FBXL7: variants seen among roughly 807,000 people sequenced by gnomAD.
FBXL7 encodes the protein F-box and leucine rich repeat protein 7.
FBXL7 carries 12 observed loss-of-function variants against 38.3 expected under a neutral mutation model. The observed-to-expected ratio is 0.31, with a 90% CI of 0.20 to 0.51. FBXL7 has a LOEUF of 0.51. Ranked by LOEUF, FBXL7 falls within the 20% of genes least tolerant of loss-of-function variation. FBXL7 has a pLI of 0.98. For missense variants in FBXL7, 567 were observed against 676.4 expected, an observed-to-expected ratio of 0.84 and a Z score of 1.79; for synonymous variants, 297 against 300.9, an observed-to-expected ratio of 0.99 and a Z score of 0.13.
intron 2 of FBXL7, among the ~76,000 whole-genome samples, chr5:15,755,100 A>G (rs77974898): frequency 6.6e-6 from 1 of 152,170 alleles, no homozygotes; most frequent in East Asian, 1.9e-4. Context: ...AATTATTGAA[A>G]CACTTTCCAA....
chr5:15,691,914 A>C (rs542925353), intron 2 of FBXL7, among the ~76,000 whole-genome samples: 1 of 152,198 alleles, frequency 6.6e-6, no homozygotes, highest in Non-Finnish European at 1.5e-5. Context: ...TGGTAGAAGC[A>C]CAGTTCAGAT....
At chr5:15,502,380 C>T (rs1736519982) in intron 1 of FBXL7, among the ~76,000 whole-genome samples, 1 of 152,090 alleles carries the variant, frequency 6.6e-6, no homozygotes, top group African/African-American at 2.4e-5. Flanking sequence ...ATTTTCAACC[C>T]TTGGGAGAGA....
chr5:15,886,157 A>G (rs1364634606), intron 2 of FBXL7, among the ~76,000 whole-genome samples: 1 of 152,160 alleles, frequency 6.6e-6, no homozygotes. Flanking sequence ...TAGCCTGGAT[A>G]TGGTGTGTTC....
intron 1 of FBXL7, among the ~76,000 whole-genome samples, chr5:15,606,102 ATTC>A (rs1313799418): frequency 2.6e-5 from 4 of 152,196 alleles, no homozygotes; most frequent in Admixed American, 1.3e-4. Context: ...GGGCATGGTT[ATTC>A]TTATGAAGGT....
rs369795247 is a variant in FBXL7, at chr5:15,928,354, C to T, written c.592C>T (p.Arg198Trp). The T allele has an allele frequency of 3.4e-5, 55 of 1,613,770 alleles. No individual in the cohort carries two copies. The highest frequency in any genetic ancestry group is 1.6e-4 in the Middle Eastern group (1 of 6,082). The change falls in exon 3 of 4, where the codon CGG becomes TGG. Residue 198 changes from arginine (R) to tryptophan (W), a missense_variant. Physicochemically the swap from Arg to Trp is moderately radical, Grantham distance 101. Coordinates refer to ENST00000504595, the MANE Select transcript of FBXL7 (RefSeq NM_012304.5). This position sits in a 1 kb window ranked among gnomAD's most constrained non-coding sequence, Gnocchi z 4.0. Reference protein sequence around the residue: ...LETVTVSGCRRLTDRGLYTIA... With the variant: ...LETVTVSGCRWLTDRGLYTIA... ...AACCGTAACTGTCAGTGGCTGCAGG[C>T]GGCTCACAGACCGAGGGCTGTACAC... is the stretch of plus-strand genomic sequence containing the variant.
chr5:15,619,921 G>A (rs561151235), intron 2 of FBXL7, among the ~76,000 whole-genome samples: 2 of 152,238 alleles, frequency 1.3e-5, no homozygotes, highest in South Asian at 4.1e-4. Flanking sequence ...TTGTCACTTC[G>A]TAGAAAACTC....
intron 2 of FBXL7, among the ~76,000 whole-genome samples, chr5:15,822,350 C>T (rs1165982372): frequency 1.3e-5 from 2 of 151,838 alleles, no homozygotes; most frequent in African/African-American, 4.8e-5. Flanking sequence ...TGACAGAGCA[C>T]GACTCCATCT....
chr5:15,578,255 T>C (rs1444094619), intron 1 of FBXL7, among the ~76,000 whole-genome samples: 1 of 152,148 alleles, frequency 6.6e-6, no homozygotes, highest in African/African-American at 2.4e-5. Flanking sequence ...TGGAGAACAG[T>C]ATGTAGTTCA....
chr5:15,518,381 C>T (rs1447572403), intron 1 of FBXL7, among the ~76,000 whole-genome samples: 2 of 152,116 alleles, frequency 1.3e-5, no homozygotes, highest in Non-Finnish European at 2.9e-5. Flanking sequence ...TTTATTATTT[C>T]CTCGGTTTGT....
intron 2 of FBXL7, among the ~76,000 whole-genome samples, chr5:15,644,531 G>C (rs1580430356): frequency 6.8e-6 from 1 of 147,850 alleles, no homozygotes; most frequent in South Asian, 2.2e-4. Context: ...CGTGGGTGGT[G>C]GGGGGACAGA....
chr5:15,880,219 C>G (rs1740384948), intron 2 of FBXL7, among the ~76,000 whole-genome samples: 1 of 152,196 alleles, frequency 6.6e-6, no homozygotes, highest in Non-Finnish European at 1.5e-5. Flanking sequence ...TGCTTCTTCT[C>G]ATGTTTAGCT....
At chr5:15,558,013 GTTA>G (rs1188550290) in intron 1 of FBXL7, among the ~76,000 whole-genome samples, 9 of 152,204 alleles carry the variant, frequency 5.9e-5, no homozygotes, top group Non-Finnish European at 1.0e-4. Context: ...GAGAAGGAAA[GTTA>G]TTGGTTTACG....
chr5:15,837,426 GA>G lies in FBXL7; in HGVS notation c.128-90457del, dbSNP rs375373082. 3.1e-3 allele frequency among the ~76,000 whole-genome samples: 474 copies of G among 152,066 alleles called. 2 individuals carry two copies. Among genetic ancestry groups the G allele is most frequent in the African/African-American group, 0.011 (460 of 41,486 alleles). ...TATGTAGCTGACATACCATCAAGAGGAAAAAAAGCAACCATAAATATGCCTT... is the reference window on the plus strand; with the variant it reads ...TATGTAGCTGACATACCATCAAGAGGAAAAAAGCAACCATAAATATGCCTT... On this transcript the variant is annotated intron_variant, in intron 2 of 3. Coordinates refer to ENST00000504595, the MANE Select transcript of FBXL7 (RefSeq NM_012304.5).
intron 2 of FBXL7, among the ~76,000 whole-genome samples, chr5:15,797,463 C>A (rs184158892): frequency 6.6e-6 from 1 of 152,176 alleles, no homozygotes; most frequent in African/African-American, 2.4e-5. Flanking sequence ...TTTCTGAGAC[C>A]AGTTAGCAAT....
chr5:15,853,684 C>T (rs558953224), intron 2 of FBXL7, among the ~76,000 whole-genome samples: 10 of 152,230 alleles, frequency 6.6e-5, no homozygotes, highest in African/African-American at 1.9e-4. Context: ...TGAGAAGAAA[C>T]GCCATTCACA....
intron 2 of FBXL7, among the ~76,000 whole-genome samples, chr5:15,727,604 T>C (rs1211329672): frequency 6.6e-6 from 1 of 152,162 alleles, no homozygotes; most frequent in Non-Finnish European, 1.5e-5. Context: ...GGGAATCCCA[T>C]GTATGTGACA....
At chr5:15,756,041 T>C (rs1736288209) in intron 2 of FBXL7, among the ~76,000 whole-genome samples, 1 of 152,220 alleles carries the variant, frequency 6.6e-6, no homozygotes, top group Non-Finnish European at 1.5e-5. Context: ...TACTTATTAC[T>C]AAATAACATG....
chr5:15,791,857 A>G (rs578028408), intron 2 of FBXL7, among the ~76,000 whole-genome samples: 2 of 152,278 alleles, frequency 1.3e-5, no homozygotes, highest in Admixed American at 1.3e-4. Flanking sequence ...AGTAGTATAT[A>G]TTAATGTAGC....
At chr5:15,886,342 A>G (rs1321855169) in intron 2 of FBXL7, among the ~76,000 whole-genome samples, 1 of 152,112 alleles carries the variant, frequency 6.6e-6, no homozygotes. Context: ...GAACACAGGC[A>G]GGGGAAAGGC....
Sources: allele counts gnomAD v4.1 joint callset (sites outside exome capture counted in the v4.1 genomes callset), GRCh38; gene constraint gnomAD v4.1.1; non-coding constraint Gnocchi (gnomAD v3.1); transcripts MANE v1.5; gene names NCBI Gene and HGNC (gene_info 2026-07-23, HGNC 2026-07-21).